OR8B2: variants seen among roughly 807,000 people sequenced by gnomAD.
OR8B2 encodes the protein olfactory receptor family 8 subfamily B member 2, also known as olfactory receptor 8B2.
For synonymous variants in OR8B2, 98 were observed against 138.2 expected, an observed-to-expected ratio of 0.71 and a Z score of 2.04; for missense variants, 304 against 379.6, an observed-to-expected ratio of 0.80 and a Z score of 1.65.
At chr11:124,384,597 G>A (rs1314113748), upstream of OR8B2, 1 of 151,926 alleles carries the variant, frequency 6.6e-6, no homozygotes, top group Non-Finnish European at 1.5e-5. Flanking sequence ...TGCCAAGAGG[G>A]TTTGTTAGAA....
chr11:124,390,358 A>G, the OR8B2 span, among the ~76,000 whole-genome samples: 1 of 152,192 alleles, frequency 6.6e-6, no homozygotes, highest in Non-Finnish European at 1.5e-5. Context: ...TTCCTTTAGG[A>G]CAGGGGTGTC....
At chr11:124,396,767 G>A in the OR8B2 span, 5 of 1,613,690 alleles carry the variant, frequency 3.1e-6, no homozygotes, top group South Asian at 2.2e-5. Context: ...CAACCACCTC[G>A]TTGACATAGG....
the OR8B2 span, among the ~76,000 whole-genome samples, chr11:124,391,609 T>G: frequency 6.6e-6 from 1 of 152,114 alleles, no homozygotes; most frequent in African/African-American, 2.4e-5. Context: ...GATCTGAAAT[T>G]GAGGTAATCA....
chr11:124,384,812 G>T (rs1196334726), upstream of OR8B2, among the ~76,000 whole-genome samples: 1 of 152,182 alleles, frequency 6.6e-6, no homozygotes, highest in Middle Eastern at 3.4e-3. Flanking sequence ...TTTCATCAGG[G>T]ATTATACAAT....
chr11:124,393,149 A>C, the OR8B2 span, among the ~76,000 whole-genome samples: 1 of 147,152 alleles, frequency 6.8e-6, no homozygotes, highest in Non-Finnish European at 1.5e-5. Context: ...TAGACCTAAA[A>C]CCCCAAAAAC....
At chr11:124,394,920 A>C in the OR8B2 span, among the ~76,000 whole-genome samples, 1 of 152,182 alleles carries the variant, frequency 6.6e-6, no homozygotes, top group Non-Finnish European at 1.5e-5. Context: ...ACTCCAGTTC[A>C]GCCAGGCACA....
upstream of OR8B2, among the ~76,000 whole-genome samples, chr11:124,386,881 G>A (rs516654): frequency 0.33 from 47,034 of 141,350 alleles, 6,674 homozygotes; most frequent in African/African-American, 0.46. Flanking sequence ...CCAACAGTGT[G>A]AAAGTGTTCC....
the OR8B2 span, among the ~76,000 whole-genome samples, chr11:124,389,734 T>A: frequency 1.3e-5 from 2 of 152,190 alleles, no homozygotes. Context: ...GGGTTTGACA[T>A]GTGCTAACTG....
rs1304270609 is a variant in OR8B2, at chr11:124,382,431, T to C, written c.913A>G (p.Ile305Val). Residue 305 changes from isoleucine to valine, a missense_variant, in exon 2 of 2, where the codon ATT (isoleucine) becomes GTT (valine). Ile to Val is a conservative substitution (Grantham distance 29). Coordinates refer to ENST00000641451, the MANE Select transcript of OR8B2 (RefSeq NM_001005468.2). ...AATATATTTCTCCTCTGAATTTTAA[T>C]CAGAGCTTTCCTCAGTGCAACTTTG... Reference protein sequence around the residue: ...DVKVALRKALIKIQRRNIF With the variant: ...DVKVALRKALVKIQRRNIF 6.2e-7 allele frequency: 1 copy of C among 1,608,652 alleles called. No homozygotes were observed. Among genetic ancestry groups the C allele is most frequent in the East Asian group, 2.2e-5 (1 of 44,872 alleles).
the OR8B2 span, among the ~76,000 whole-genome samples, chr11:124,395,217 T>C: frequency 9.2e-5 from 14 of 151,782 alleles, no homozygotes; most frequent in African/African-American, 2.7e-4. Flanking sequence ...TGAGCTATGA[T>C]TGAACCACTG....
At chr11:124,395,838 G>A in the OR8B2 span, 1 of 152,548 alleles carries the variant, frequency 6.6e-6, no homozygotes, top group African/African-American at 2.4e-5. Context: ...AGAAGCAAAC[G>A]GCATGTGGTA....
At chr11:124,383,994 C>G (rs1355587182) in intron 1 of OR8B2, among the ~76,000 whole-genome samples, 3 of 152,156 alleles carry the variant, frequency 2.0e-5, no homozygotes, top group Non-Finnish European at 4.4e-5. Flanking sequence ...TGTGCTTTCA[C>G]AGGTCTTTGT....
upstream of OR8B2, among the ~76,000 whole-genome samples, chr11:124,389,194 A>G (rs1225563696): frequency 6.6e-6 from 1 of 152,130 alleles, no homozygotes; most frequent in Non-Finnish European, 1.5e-5. Flanking sequence ...CCTATCTCAC[A>G]TATAAGAAAT....
At chr11:124,390,343 A>C in the OR8B2 span, among the ~76,000 whole-genome samples, 1 of 152,162 alleles carries the variant, frequency 6.6e-6, no homozygotes, top group African/African-American at 2.4e-5. Flanking sequence ...ATTGATTTGC[A>C]TGTCTTCCTT....
chr11:124,385,120 T>C (rs1213771944), upstream of OR8B2, among the ~76,000 whole-genome samples: 2 of 152,196 alleles, frequency 1.3e-5, no homozygotes, highest in Admixed American at 1.3e-4. Flanking sequence ...AATGATCCTT[T>C]ATTTCATCAA....
the OR8B2 span, chr11:124,396,400 C>G: frequency 4.4e-6 from 7 of 1,580,434 alleles, no homozygotes; most frequent in Admixed American, 1.3e-4. Context: ...TACATTATTA[C>G]TGCTTCTAAT....
At chr11:124,385,637 T>C (rs1299609933), upstream of OR8B2, among the ~76,000 whole-genome samples, 120 of 141,004 alleles carry the variant, frequency 8.5e-4, no homozygotes, top group African/African-American at 3.1e-3. Flanking sequence ...CTCTCTCTTT[T>C]TTTTTTTTTT....
upstream of OR8B2, among the ~76,000 whole-genome samples, chr11:124,385,508 GT>G (rs1860683922): frequency 6.6e-6 from 1 of 151,748 alleles, no homozygotes; most frequent in East Asian, 1.9e-4. Context: ...GTGTGTGTGT[GT>G]GTGTGTGTGT....
chr11:124,388,486 G>A (rs1376920838), upstream of OR8B2, among the ~76,000 whole-genome samples: 1 of 152,092 alleles, frequency 6.6e-6, no homozygotes, highest in Non-Finnish European at 1.5e-5. Context: ...TTTAACCAGA[G>A]TCCTCCAGTT....
Sources: gnomAD v4.1 joint callset for allele counts (sites outside exome capture counted in the v4.1 genomes callset) on GRCh38, gnomAD v4.1.1 for gene constraint, MANE v1.5 for transcripts, NCBI Gene and HGNC (gene_info 2026-07-23, HGNC 2026-07-21) for gene names.